Variants in NREP observed in about 807,000 individuals in gnomAD.
The protein encoded by NREP is neuronal regeneration-related protein.
NREP carries 5 observed loss-of-function variants against 8.6 expected under a neutral mutation model. That is an observed-to-expected ratio of 0.58 (90% CI 0.30 to 1.22). The LOEUF (loss-of-function observed/expected upper bound fraction) is 1.22. Ranked by LOEUF, NREP falls within the 50% of genes most tolerant of loss-of-function variation. NREP has a pLI of 0.07. For missense variants in NREP, 86 were observed against 82.5 expected (o/e 1.04, Z -0.17); for synonymous variants, 27 against 28.0 (o/e 0.96, Z 0.11).
chr5:111,778,704 G>A (rs1751420418), intron 2 of NREP, among the ~76,000 whole-genome samples: 2 of 152,042 alleles, frequency 1.3e-5, no homozygotes, highest in South Asian at 2.1e-4. Flanking sequence ...TTGGCTGTGA[G>A]GCCCTAAAAA....
At chr5:111,907,384 A>T (rs1185653151) in intron 2 of NREP, among the ~76,000 whole-genome samples, 1 of 151,992 alleles carries the variant, frequency 6.6e-6, no homozygotes, top group Non-Finnish European at 1.5e-5. Flanking sequence ...CAATGTCTAG[A>T]TTTATACCTA....
intron 2 of NREP, among the ~76,000 whole-genome samples, chr5:111,885,109 T>A (rs1408709079): frequency 6.6e-6 from 1 of 152,098 alleles, no homozygotes; most frequent in Non-Finnish European, 1.5e-5. Context: ...CTTAAGCTGA[T>A]AAGCAACTTC....
chr5:111,748,818 C>G (rs1750175621), intron 2 of NREP, among the ~76,000 whole-genome samples: 2 of 152,120 alleles, frequency 1.3e-5, no homozygotes, highest in Admixed American at 1.3e-4. Flanking sequence ...TGCTCAGTTA[C>G]TAAGTGGTCA....
upstream of NREP, chr5:111,757,904 C>T (rs1277936944): frequency 2.0e-6 from 2 of 985,180 alleles, no homozygotes; most frequent in Non-Finnish European, 2.4e-6. Flanking sequence ...CCCGCCAGGG[C>T]CGTGGGGAGA....
At position 111,936,485 on chromosome 5, in the gene NREP, C is replaced by G. The variant is rs74804244; in HGVS notation, c.135+38789G>C. ...CTTTTGTTTATAAATTACCCAGTCT[C>G]AGGTAGTTTCTTAATAGTAGTGTAA... is the stretch of plus-strand genomic sequence containing the variant. On this transcript the variant is annotated intron_variant, in intron 2 of 3. Transcript: ENST00000395634. 1.2e-3 allele frequency among the ~76,000 whole-genome samples: 187 copies of G among 152,184 alleles called. 3 individuals are homozygous for G. The East Asian group carries it at 0.032, about 26-fold the overall frequency.
intron 2 of NREP, among the ~76,000 whole-genome samples, chr5:111,907,775 A>G (rs188122674): frequency 1.8e-4 from 28 of 152,088 alleles, no homozygotes; most frequent in East Asian, 1.4e-3. Flanking sequence ...CTCCTACTTA[A>G]TAAGACACTT....
At chr5:111,763,026 A>G (rs79232110) in intron 2 of NREP, among the ~76,000 whole-genome samples, 5,424 of 152,318 alleles carry the variant, frequency 0.036, 132 homozygotes, top group Non-Finnish European at 0.05. Flanking sequence ...CGTTTTTCTC[A>G]GAACAGCATT....
At chr5:111,975,423 TG>T (rs1756935700) in intron 1 of NREP, 2 of 1,350,432 alleles carry the variant, frequency 1.5e-6, no homozygotes, top group Non-Finnish European at 2.1e-6. Context: ...CTGACCCCCC[TG>T]AGTGCCACAA....
At chr5:111,831,163 A>G (rs944639155) in intron 2 of NREP, among the ~76,000 whole-genome samples, 13 of 152,156 alleles carry the variant, frequency 8.5e-5, no homozygotes, top group Admixed American at 3.9e-4. Context: ...GAAAGCTTCC[A>G]TCTGGAAGCG....
At chr5:111,865,062 G>A (rs774619492) in intron 2 of NREP, among the ~76,000 whole-genome samples, 5 of 152,106 alleles carry the variant, frequency 3.3e-5, no homozygotes, top group African/African-American at 4.8e-5. Context: ...GTTAGTGTGT[G>A]TACCTGCCTC....
chr5:111,971,065 C>T (rs562167148), intron 2 of NREP, among the ~76,000 whole-genome samples: 12 of 152,030 alleles, frequency 7.9e-5, no homozygotes, highest in South Asian at 2.1e-4. Context: ...TCCCCTAGTC[C>T]GGGTATATAT....
intron 2 of NREP, among the ~76,000 whole-genome samples, chr5:111,750,347 C>T (rs1031343315): frequency 4.6e-5 from 7 of 152,310 alleles, no homozygotes; most frequent in Middle Eastern, 3.4e-3. Flanking sequence ...AAGCATAGTA[C>T]TTACTCTCAA....
intron 2 of NREP, among the ~76,000 whole-genome samples, chr5:111,819,341 C>G (rs1041668682): frequency 6.6e-6 from 1 of 152,088 alleles, no homozygotes; most frequent in African/African-American, 2.4e-5. Flanking sequence ...CTGTGTGGTC[C>G]AACCCTAGCC....
intron 2 of NREP, among the ~76,000 whole-genome samples, chr5:111,885,225 A>G (rs1357462590): frequency 2.0e-5 from 3 of 151,522 alleles, no homozygotes; most frequent in Non-Finnish European, 2.9e-5. Flanking sequence ...CCCATTCACA[A>G]TTGCTTCAAA....
At chr5:111,975,665 G>C (rs774512651) in intron 1 of NREP, among the ~76,000 whole-genome samples, 1 of 152,072 alleles carries the variant, frequency 6.6e-6, no homozygotes. Context: ...ATATTACATA[G>C]AAAAACAGTA....
At chr5:111,965,681 G>T (rs1305860255) in intron 2 of NREP, among the ~76,000 whole-genome samples, 8 of 151,908 alleles carry the variant, frequency 5.3e-5, no homozygotes, top group Non-Finnish European at 1.0e-4. Flanking sequence ...ATCTTAAAAG[G>T]ACTCTTTTTA....
chr5:111,796,575 G>A (rs1445520303), intron 2 of NREP, among the ~76,000 whole-genome samples: 1 of 152,190 alleles, frequency 6.6e-6, no homozygotes, highest in Non-Finnish European at 1.5e-5. Context: ...TTATGAGACA[G>A]AGATTACAAG....
intron 2 of NREP, among the ~76,000 whole-genome samples, chr5:111,893,805 A>T (rs1016701471): frequency 6.6e-6 from 1 of 151,844 alleles, no homozygotes; most frequent in Non-Finnish European, 1.5e-5. Flanking sequence ...TCATTTTACC[A>T]TCTTGTAACT....
chr5:111,786,249 G>A (rs73787387), intron 2 of NREP, among the ~76,000 whole-genome samples: 7,281 of 152,262 alleles, frequency 0.048, 547 homozygotes, highest in African/African-American at 0.17. Flanking sequence ...GCCGCCTTGT[G>A]AAGAAGGTGC....
Sources: allele counts gnomAD v4.1 joint callset (sites outside exome capture counted in the v4.1 genomes callset), GRCh38; gene constraint gnomAD v4.1.1; transcripts MANE v1.5; gene names NCBI Gene and HGNC (gene_info 2026-07-23, HGNC 2026-07-21).